RGS7: variants seen among roughly 807,000 people sequenced by gnomAD.
RGS7 encodes the protein regulator of G-protein signaling 7.
RGS7 carries 27 observed loss-of-function variants against 81.1 expected under a neutral mutation model. The ratio of observed to expected loss-of-function variants is 0.33; its 90% CI spans 0.25 to 0.46. RGS7 has a LOEUF of 0.46. RGS7 is among the 20% of genes least tolerant of loss of function. The pLI, the probability that RGS7 is intolerant of heterozygous loss-of-function variation, is 1.00. For missense variants in RGS7, 396 were observed against 607.4 expected (o/e 0.65, Z 3.66); for synonymous variants, 208 against 207.7 (o/e 1.00, Z -0.01).
At chr1:240,828,130 T>A (rs1376979720) in intron 9 of RGS7, among the ~76,000 whole-genome samples, 1 of 152,142 alleles carries the variant, frequency 6.6e-6, no homozygotes, top group East Asian at 1.9e-4. Context: ...TGACCTTCCT[T>A]TTCCTTAAGG....
intron 2 of RGS7, among the ~76,000 whole-genome samples, chr1:241,348,362 C>G (rs920635314): frequency 6.6e-6 from 1 of 152,104 alleles, no homozygotes; most frequent in Non-Finnish European, 1.5e-5. Flanking sequence ...AGCTAAACTA[C>G]AGGTCAGAGA....
intron 2 of RGS7, among the ~76,000 whole-genome samples, chr1:241,107,933 T>C (rs934714005): frequency 5.3e-5 from 8 of 152,046 alleles, no homozygotes; most frequent in African/African-American, 2.4e-5. Flanking sequence ...GATAAAGTTA[T>C]ATAGCAGAAA....
chr1:240,825,179 G>T (rs1388915495), intron 10 of RGS7, among the ~76,000 whole-genome samples: 4 of 152,246 alleles, frequency 2.6e-5, no homozygotes, highest in Non-Finnish European at 4.4e-5. Context: ...TGAATTAGGG[G>T]AGCAAGGCCC....
intron 2 of RGS7, among the ~76,000 whole-genome samples, chr1:241,204,297 A>G (rs2073730077): frequency 6.6e-6 from 1 of 152,262 alleles, no homozygotes; most frequent in African/African-American, 2.4e-5. Context: ...GTTGTAGAAG[A>G]AAAGACCAAA....
chr1:241,125,024 C>T (rs558495126), intron 2 of RGS7, among the ~76,000 whole-genome samples: 1 of 152,304 alleles, frequency 6.6e-6, no homozygotes, highest in Non-Finnish European at 1.5e-5. Flanking sequence ...GGTTGTTTTG[C>T]ACGGTCATGC....
At chr1:240,897,610 C>A (rs888772675) in intron 6 of RGS7, among the ~76,000 whole-genome samples, 1 of 152,128 alleles carries the variant, frequency 6.6e-6, no homozygotes, top group African/African-American at 2.4e-5. Context: ...GTTGAACCAG[C>A]CTTGCATCCC....
At chr1:241,306,129 C>CAT (rs1491128269) in intron 2 of RGS7, among the ~76,000 whole-genome samples, 2 of 16,946 alleles carry the variant, frequency 1.2e-4, no homozygotes, top group African/African-American at 3.0e-4. Flanking sequence ...ATCTCTTTTT[C>CAT]ACACACACAC....
At position 240,933,128 on chromosome 1, in the gene RGS7, C is replaced by A. The variant is rs1471181817; in HGVS notation, c.334-2360G>T. Among the ~76,000 whole-genome samples the A allele has an allele frequency of 2.7e-5, 4 of 145,592 alleles. No individual in the cohort carries two copies. In the East Asian group the frequency reaches 8.4e-4, roughly 31 times the overall value. ...CCATCTCCTGACCTCGTGATCTGCC[C>A]CCCTCGGCCCCACAAAGTGCTGGGA... On this transcript the variant is annotated intron_variant, in intron 5 of 18. Transcript: ENST00000440928.
intron 2 of RGS7, among the ~76,000 whole-genome samples, chr1:241,335,725 G>A (rs531911801): frequency 2.2e-4 from 33 of 152,132 alleles, no homozygotes; most frequent in African/African-American, 7.5e-4. Context: ...TGATGTGCTG[G>A]TAGATGCTCT....
At chr1:241,235,583 C>A (rs897892930) in intron 2 of RGS7, among the ~76,000 whole-genome samples, 1 of 147,794 alleles carries the variant, frequency 6.8e-6, no homozygotes, top group Non-Finnish European at 1.5e-5. Context: ...TCTTTTCTTT[C>A]TCTTTCTTTC....
chr1:241,017,928 T>C (rs1220013880), intron 3 of RGS7, among the ~76,000 whole-genome samples: 2 of 151,908 alleles, frequency 1.3e-5, no homozygotes, highest in Non-Finnish European at 2.9e-5. Context: ...ATCTGTTTCA[T>C]ATGTTAGTCG....
intron 5 of RGS7, among the ~76,000 whole-genome samples, chr1:240,934,624 T>G (rs1195523198): frequency 6.6e-6 from 1 of 152,154 alleles, no homozygotes; most frequent in Non-Finnish European, 1.5e-5. Flanking sequence ...CTATTTCAAA[T>G]ATGGATGCAT....
chr1:240,934,741 G>T (rs1676297255), intron 5 of RGS7, among the ~76,000 whole-genome samples: 1 of 151,946 alleles, frequency 6.6e-6, no homozygotes. Flanking sequence ...CACTGAACTT[G>T]ACAACTCTCT....
At chr1:240,837,679 T>G (rs1694939777) in intron 9 of RGS7, among the ~76,000 whole-genome samples, 2 of 152,166 alleles carry the variant, frequency 1.3e-5, no homozygotes, top group South Asian at 4.1e-4. Flanking sequence ...GGTGACAACA[T>G]AAATTTCCCC....
At chr1:241,254,453 A>G (rs963228284) in intron 2 of RGS7, among the ~76,000 whole-genome samples, 3 of 152,120 alleles carry the variant, frequency 2.0e-5, no homozygotes, top group Non-Finnish European at 2.9e-5. Flanking sequence ...AGGTGCCATC[A>G]TGGCTCTTCC....
chr1:241,291,854 G>A (rs899584921), intron 2 of RGS7, among the ~76,000 whole-genome samples: 3 of 152,088 alleles, frequency 2.0e-5, no homozygotes, highest in South Asian at 4.1e-4. Context: ...GATTACAGGC[G>A]TGAGCCACCA....
intron 3 of RGS7, among the ~76,000 whole-genome samples, chr1:241,022,250 T>A (rs1384527482): frequency 6.6e-6 from 1 of 152,200 alleles, no homozygotes; most frequent in Non-Finnish European, 1.5e-5. Context: ...ACCAACTTGG[T>A]CTTGCTTTTA....
intron 2 of RGS7, among the ~76,000 whole-genome samples, chr1:241,176,188 T>C (rs2071128599): frequency 6.6e-6 from 1 of 152,104 alleles, no homozygotes; most frequent in South Asian, 2.1e-4. Flanking sequence ...AAGTACAATA[T>C]GGGAGATAAG....
intron 4 of RGS7, among the ~76,000 whole-genome samples, chr1:240,967,577 G>A (rs990694897): frequency 2.3e-5 from 3 of 130,706 alleles, no homozygotes; most frequent in African/African-American, 8.0e-5. Context: ...GTGGGGGGGG[G>A]GGGGAAAAGG....
Sources: gnomAD v4.1 joint callset for allele counts (sites outside exome capture counted in the v4.1 genomes callset) on GRCh38, gnomAD v4.1.1 for gene constraint, MANE v1.5 for transcripts, NCBI Gene and HGNC (gene_info 2026-07-23, HGNC 2026-07-21) for gene names.